The following SESTD1 variants were observed in gnomAD, a reference collection of about 807,000 sequenced individuals.
SESTD1 encodes the protein SEC14 domain and spectrin repeat-containing protein 1.
In SESTD1, 43 loss-of-function variants were observed where a neutral mutation model predicts 101.7. That is an observed-to-expected ratio of 0.42 (90% CI 0.33 to 0.55). The LOEUF is 0.55. SESTD1 is among the 20% of genes least tolerant of loss of function. The pLI, the probability that SESTD1 is intolerant of heterozygous loss-of-function variation, is 0.07. For missense variants in SESTD1, 647 were observed against 815.1 expected (o/e 0.79, Z 2.51); for synonymous variants, 283 against 286.8 (o/e 0.99, Z 0.13).
rs1024973115 is a variant in SESTD1, at chr2:179,106,768, G to C, written c.*3131C>G. ...GCAGTTTCATCAACATCACCAATGA[G>C]TCACCAGAACTGAACAAAGTGACCA... On this transcript the variant is annotated 3_prime_UTR_variant, in exon 18 of 18. Transcript: ENST00000428443. 1.3e-5 allele frequency: 2 copies of C among 152,066 alleles called. No individual in the cohort carries two copies. The highest frequency in any genetic ancestry group is 4.8e-5 in the African/African-American group (2 of 41,408). 9.4% of individuals were successfully genotyped at this position (152,066 alleles called of 1,614,324 possible). A position where few individuals can be genotyped will look rare whatever the true frequency, so the allele number is the denominator to read the frequency against.
chr2:179,118,942 A>T (rs533710694), intron 13 of SESTD1, among the ~76,000 whole-genome samples: 1 of 152,346 alleles, frequency 6.6e-6, no homozygotes, highest in South Asian at 2.1e-4. Context: ...GTAAGTAGGA[A>T]TTCACTGAGC....
intron 5 of SESTD1, among the ~76,000 whole-genome samples, chr2:179,169,745 G>T (rs1187306788): frequency 1.3e-5 from 2 of 152,068 alleles, no homozygotes; most frequent in East Asian, 3.9e-4. Flanking sequence ...ACTTTGGGAG[G>T]CCGAGGTGGG....
chr2:179,118,336 G>C (rs2044678721), intron 13 of SESTD1, among the ~76,000 whole-genome samples: 1 of 151,948 alleles, frequency 6.6e-6, no homozygotes, highest in Non-Finnish European at 1.5e-5. Flanking sequence ...GGTCTTTTTG[G>C]ATAATATAAC....
rs2044407531 is a variant in SESTD1 at position 179,107,405 on chromosome 2, A to G, written c.*2494T>C. 6.6e-6 allele frequency: 1 copy of G among 152,194 alleles called. No homozygotes were observed. Among genetic ancestry groups the G allele is most frequent in the South Asian group, 2.1e-4 (1 of 4,836 alleles). 9.4% of individuals were successfully genotyped at this position (152,194 alleles called of 1,614,324 possible). A position where few individuals can be genotyped will look rare whatever the true frequency, so the allele number is the denominator to read the frequency against. On this transcript the variant is annotated 3_prime_UTR_variant, in exon 18 of 18. Transcript: ENST00000428443. ...TACTTTTTGTAGGCAAGATAGCTTA[A>G]GGTATATAAAAATTAACTCATTTGG...
At chr2:179,195,875 G>GA (rs1286440257) in intron 1 of SESTD1, among the ~76,000 whole-genome samples, 3 of 151,512 alleles carry the variant, frequency 2.0e-5, no homozygotes, top group East Asian at 1.9e-4. Flanking sequence ...CTTCGTATGA[G>GA]AAAAAAAATC....
At chr2:179,235,868 G>C (rs187407984) in intron 1 of SESTD1, among the ~76,000 whole-genome samples, 2 of 152,152 alleles carry the variant, frequency 1.3e-5, no homozygotes, top group Non-Finnish European at 2.9e-5. Flanking sequence ...TTGCAATACT[G>C]TTTCACGGTT....
intron 1 of SESTD1, among the ~76,000 whole-genome samples, chr2:179,256,377 T>C (rs983531534): frequency 1.8e-4 from 27 of 152,112 alleles, no homozygotes; most frequent in African/African-American, 6.5e-4. Context: ...AAGAAGTTGA[T>C]CCCAACTTCC....
intron 16 of SESTD1, 26 bp from the exon 17 acceptor site, chr2:179,112,871 A>G: frequency 1.9e-6 from 3 of 1,596,986 alleles, no homozygotes; most frequent in Non-Finnish European, 2.6e-6. Flanking sequence ...GAGCAACATC[A>G]ATCAAGAGAC....
intron 4 of SESTD1, chr2:179,174,495 A>C (rs1385030331): frequency 4.4e-6 from 2 of 457,762 alleles, no homozygotes; most frequent in African/African-American, 4.1e-5. Context: ...GAAAGGAAGA[A>C]CACAAGGTCA....
chr2:179,209,592 A>G (rs1441162311), intron 1 of SESTD1, among the ~76,000 whole-genome samples: 1 of 135,098 alleles, frequency 7.4e-6, no homozygotes, highest in African/African-American at 2.9e-5. Flanking sequence ...AAATACATTA[A>G]AACAATCTGC....
rs1333620255 is a variant in SESTD1, at chr2:179,214,531, C to CATT, written c.-25-22666_-25-22665insAAT. Among the ~76,000 whole-genome samples, 3 of 133,818 alleles carry CATT rather than the reference C, an allele frequency of 2.2e-5. 1 individual carries two copies. The highest frequency in any genetic ancestry group is 8.9e-5 in the African/African-American group (3 of 33,764). The allele number at this position is 133,818 out of a possible 152,430, so 87.8% of individuals were successfully genotyped here. A position where few individuals can be genotyped will look rare whatever the true frequency, so the allele number is the denominator to read the frequency against. On this transcript the variant is annotated intron_variant, in intron 1 of 17. Coordinates refer to ENST00000428443, the MANE Select transcript of SESTD1 (RefSeq NM_178123.5). ...CTACAAAGAGACTTAGACTCCCACA[C>CATT]AATAATGGGAGAATTTAACACCCCA...
chr2:179,113,470 T>C (rs1033107582), intron 16 of SESTD1, among the ~76,000 whole-genome samples: 21 of 152,176 alleles, frequency 1.4e-4, no homozygotes, highest in African/African-American at 5.1e-4. Context: ...TGTTCTTCAC[T>C]CCACCCTAAC....
Position 179,196,427 on chromosome 2 carries a change from A to T in SESTD1, c.-25-4561T>A, listed in dbSNP as rs182436159. 5.4e-3 allele frequency among the ~76,000 whole-genome samples: 820 copies of T among 152,372 alleles called. 8 individuals carry two copies. Among genetic ancestry groups the T allele is most frequent in the African/African-American group, 0.019 (775 of 41,592 alleles). On this transcript the variant is annotated intron_variant, in intron 1 of 17. Transcript: ENST00000428443. ...GCTTGCTTAGGTAAACAAAGCAGCCAGGAAGCTCAAACTGGGTGGAGCCCA... is the reference window on the plus strand; with the variant it reads ...GCTTGCTTAGGTAAACAAAGCAGCCTGGAAGCTCAAACTGGGTGGAGCCCA...
At chr2:179,200,381 A>G (rs537545503) in intron 1 of SESTD1, among the ~76,000 whole-genome samples, 3 of 152,230 alleles carry the variant, frequency 2.0e-5, no homozygotes, top group African/African-American at 4.8e-5. Flanking sequence ...CATCCCCATC[A>G]AGCTACCAAT....
chr2:179,186,059 T>C (rs1202048245), intron 2 of SESTD1, among the ~76,000 whole-genome samples: 2 of 146,370 alleles, frequency 1.4e-5, no homozygotes, highest in Non-Finnish European at 3.0e-5. Context: ...TACAATATAG[T>C]ATATTATATA....
chr2:179,225,168 G>A (rs1173164720), intron 1 of SESTD1, among the ~76,000 whole-genome samples: 1 of 152,062 alleles, frequency 6.6e-6, no homozygotes, highest in Non-Finnish European at 1.5e-5. Flanking sequence ...GTGTCAGCTG[G>A]CAAATTGATT....
chr2:179,172,269 T>C (rs377466735), intron 4 of SESTD1, 36 bp from the exon 5 acceptor site: 6 of 1,347,844 alleles, frequency 4.5e-6, no homozygotes, highest in Non-Finnish European at 6.3e-6. Context: ...AAATTACACA[T>C]GTAAAATGAA....
In SESTD1 at chr2:179,143,625, T is replaced by C; in HGVS notation, c.816A>G (p.Thr272=). ...CCTTCTGTTGAATCTCTTCTAACTG[T>C]GTGCGCTTGCTACGTTGCCTACAAA... The part of the protein sequence containing the change: ...QEVCRQRSKR[T]QLEEIQQKVM... Residue 272 remains threonine, a synonymous_variant, in exon 9 of 18, where the codon ACA becomes ACG. Transcript: ENST00000428443. The C allele has an allele frequency of 5.6e-6, 9 of 1,613,984 alleles. No homozygotes were observed. Among genetic ancestry groups the C allele is most frequent in the Non-Finnish European group, 7.6e-6 (9 of 1,179,896 alleles).
intron 1 of SESTD1, among the ~76,000 whole-genome samples, chr2:179,262,432 C>T (rs1383701738): frequency 1.3e-5 from 2 of 151,972 alleles, no homozygotes; most frequent in African/African-American, 2.4e-5. Context: ...TGGCTGTCAC[C>T]CAGGATGGAA....
Sources: gnomAD v4.1 joint callset for allele counts (sites outside exome capture counted in the v4.1 genomes callset) on GRCh38, gnomAD v4.1.1 for gene constraint, MANE v1.5 for transcripts, NCBI Gene and HGNC (gene_info 2026-07-23, HGNC 2026-07-21) for gene names.